Variants in TCF25 observed in about 807,000 individuals in gnomAD.
TCF25 encodes ribosome quality control complex subunit TCF25.
Under a neutral mutation model 83.1 loss-of-function variants are expected in TCF25, and 41 were observed. The observed-to-expected ratio is 0.49, with a 90% CI of 0.38 to 0.64. The LOEUF is 0.64. TCF25 is among the 30% of genes least tolerant of loss of function. The pLI is 0.00. For missense variants in TCF25, 979 were observed against 914.5 expected, an observed-to-expected ratio of 1.07 and a Z score of -0.91; for synonymous variants, 458 against 365.0, an observed-to-expected ratio of 1.25 and a Z score of -2.90.
chr16:89,885,873 G>C lies in TCF25; in HGVS notation c.455G>C (p.Arg152Pro). Reference protein sequence around the residue: ...ASENGLEDIDRILERIEDSTG... With the variant: ...ASENGLEDIDPILERIEDSTG... ...GAAAACGGACTAGAAGATATCGATC[G>C]CATCCTAGAGAGGATTGAGGACAGC... Residue 152 changes from arginine to proline, a missense_variant, in exon 4 of 18, where the codon CGC becomes CCC. Transcript: ENST00000263346. 1 of 1,613,120 alleles carries C rather than the reference G, an allele frequency of 6.2e-7. No homozygotes were observed. The highest frequency in any genetic ancestry group is 8.5e-7 in the Non-Finnish European group (1 of 1,179,192).
intron 13 of TCF25, 80 bp downstream of exon 13, chr16:89,904,285 GC>G (rs2044591280): frequency 2.1e-6 from 3 of 1,461,610 alleles, no homozygotes. Flanking sequence ...ATCCTGAGAG[GC>G]CCTGAGGGAC....
At chr16:89,891,848 T>G (rs1253340012) in intron 5 of TCF25, among the ~76,000 whole-genome samples, 1 of 152,148 alleles carries the variant, frequency 6.6e-6, no homozygotes, top group African/African-American at 2.4e-5. Context: ...TTTAAAACCC[T>G]TTGTAGAAAT....
At chr16:89,908,025 T>TTTCCACC (rs2045086583) in intron 16 of TCF25, among the ~76,000 whole-genome samples, 1 of 56,114 alleles carries the variant, frequency 1.8e-5, no homozygotes, top group Non-Finnish European at 3.5e-5. Flanking sequence ...CTCCTCCCAG[T>TTTCCACC]TCCCAGCTCC....
chr16:89,878,579 A>C, intron 1 of TCF25: 2 of 1,171,348 alleles, frequency 1.7e-6, no homozygotes, highest in South Asian at 1.6e-5. Flanking sequence ...AACCTTGTGA[A>C]ATGTTCCCCA....
intron 14 of TCF25, 41 bp downstream of exon 14, chr16:89,905,137 T>C (rs2044671225): frequency 6.6e-7 from 1 of 1,512,852 alleles, no homozygotes; most frequent in South Asian, 1.3e-5. Context: ...CGCCCCCTCC[T>C]CAGGGACCCT....
At chr16:89,879,471 C>T (rs1597264197) in intron 1 of TCF25, among the ~76,000 whole-genome samples, 1 of 107,380 alleles carries the variant, frequency 9.3e-6, no homozygotes, top group Non-Finnish European at 1.8e-5. Context: ...AGATGGGCTT[C>T]GGGGCCTGTC....
chr16:89,896,418 G>T (rs1383518982), intron 9 of TCF25, among the ~76,000 whole-genome samples: 1 of 152,098 alleles, frequency 6.6e-6, no homozygotes, highest in East Asian at 1.9e-4. Context: ...TGTGTTAGAA[G>T]TGAGCCTGGC....
At chr16:89,884,513 G>A in intron 2 of TCF25, 69 bp from the exon 3 acceptor site, 1 of 1,547,684 alleles carries the variant, frequency 6.5e-7, no homozygotes, top group Non-Finnish European at 8.9e-7. Flanking sequence ...AGTCACGCTT[G>A]CTGCTTTAAT....
chr16:89,898,570 GC>G lies in TCF25; in HGVS notation c.1039del (p.Leu347SerfsTer5), dbSNP rs1380403194. 6.2e-7 allele frequency: 1 copy of G among 1,612,908 alleles called. No homozygotes were observed. The highest frequency in any genetic ancestry group is 2.2e-5 in the East Asian group (1 of 44,890). On this transcript the variant is annotated frameshift_variant, in exon 10 of 18. Coordinates refer to ENST00000263346, the MANE Select transcript of TCF25 (RefSeq NM_014972.3). LOFTEE classifies it high-confidence loss of function. Reference sequence around the variant, plus strand: ...TTTTGGATCTAGGAGCTTCTACCTGGCCCTCTACAAGCAGATGAGCTTCCTG... The same window carrying G: ...TTTTGGATCTAGGAGCTTCTACCTGGCCTCTACAAGCAGATGAGCTTCCTG... ...RRPENRSFYL[A>X]LYKQMSFLEK...
At position 89,906,401 on chromosome 16, in the gene TCF25, C is replaced by T. The variant is rs895126303; in HGVS notation, c.1719+117C>T. On this transcript the variant is annotated intron_variant, in intron 15 of 17. Coordinates refer to ENST00000263346, the MANE Select transcript of TCF25 (RefSeq NM_014972.3). ...GTGCGGGCTCCCTCAGCAGCCCAGC[C>T]CCGCCACGGCAGGGGCAGGGTCTAG... 3.1e-6 allele frequency: 3 copies of T among 974,402 alleles called. No homozygotes were observed. The African/African-American group carries it at 4.8e-5, about 16-fold the overall frequency. The allele number at this position is 974,402 out of a possible 1,614,324, so 60.4% of individuals were successfully genotyped here. A position where few individuals can be genotyped will look rare whatever the true frequency, so the allele number is the denominator to read the frequency against.
intron 1 of TCF25, among the ~76,000 whole-genome samples, chr16:89,879,283 C>T (rs71398840): frequency 9.7e-5 from 14 of 143,794 alleles, no homozygotes; most frequent in South Asian, 2.3e-4. Flanking sequence ...CACGTGTTGT[C>T]CGTGTACACA....
In TCF25 at chr16:89,892,219, C is replaced by T; in HGVS notation, c.641C>T (p.Pro214Leu). Residue 214 changes from proline (P) to leucine (L), a missense_variant, in exon 6 of 18, where the codon CCC becomes CTC. Pro to Leu is a moderately conservative substitution (Grantham distance 98, BLOSUM62 -3). Transcript: ENST00000263346. ...CCACGGCAGAGACAACGTGTGTACC[C>T]CAAGTGCACATGGCTGACCACCCCT... Reference protein sequence around the residue: ...QRPRQRQRVYPKCTWLTTPKS... With the variant: ...QRPRQRQRVYLKCTWLTTPKS... 1 of 1,612,842 alleles carries T rather than the reference C, an allele frequency of 6.2e-7. No individual in the cohort carries two copies. The highest frequency in any genetic ancestry group is 8.5e-7 in the Non-Finnish European group (1 of 1,179,610).
chr16:89,884,398 G>A (rs921763070), intron 2 of TCF25, among the ~76,000 whole-genome samples, 184 bp from the exon 3 acceptor site: 1 of 152,110 alleles, frequency 6.6e-6, no homozygotes, highest in Non-Finnish European at 1.5e-5. Context: ...AGCACAGCCC[G>A]AGGGGCTCGG....
intron 12 of TCF25, among the ~76,000 whole-genome samples, chr16:89,903,380 C>T (rs2044505601): frequency 6.6e-6 from 1 of 152,246 alleles, no homozygotes; most frequent in Admixed American, 6.5e-5. Flanking sequence ...GTGATTAAAA[C>T]ATCCAACCGG....
chr16:89,888,281 A>C (rs772353466), intron 5 of TCF25, among the ~76,000 whole-genome samples: 1 of 148,684 alleles, frequency 6.7e-6, no homozygotes, highest in Non-Finnish European at 1.5e-5. Context: ...AAAGTTTTCA[A>C]AAGCTGTTAA....
chr16:89,893,705 C>T, intron 6 of TCF25, 23 bp from the exon 7 acceptor site: 1 of 1,613,418 alleles, frequency 6.2e-7, no homozygotes, highest in Non-Finnish European at 8.5e-7. Context: ...GGCACACCCT[C>T]CCTGAGCACT....
chr16:89,907,164 G>T, intron 15 of TCF25, 79 bp from the exon 16 acceptor site: 4 of 1,417,850 alleles, frequency 2.8e-6, no homozygotes, highest in Non-Finnish European at 3.0e-6. Flanking sequence ...TGCTGGAGTC[G>T]ACAGAAGGAC....
chr16:89,879,359 C>A (rs995870827), intron 1 of TCF25, among the ~76,000 whole-genome samples: 1 of 150,234 alleles, frequency 6.7e-6, no homozygotes, highest in Non-Finnish European at 1.5e-5. Flanking sequence ...GCCTGTCACA[C>A]GTGCTGTCCG....
At position 89,895,085 on chromosome 16, in the gene TCF25, C is replaced by G. The variant is rs761864779; in HGVS notation, c.876C>G (p.Leu292=). The change falls in exon 8 of 18, where the codon CTC becomes CTG. Residue 292 remains leucine (L), a synonymous_variant. Coordinates refer to ENST00000263346, the MANE Select transcript of TCF25 (RefSeq NM_014972.3). ...SPYHVDSLLQ[L]SDACRFQEDQ... ...ACCACGTTGACTCACTCCTGCAGCT[C>G]AGCGATGCCTGCCGCTTTCAAGAGG... 1.2e-6 allele frequency: 2 copies of G among 1,613,322 alleles called. No homozygotes were observed. Among genetic ancestry groups the G allele is most frequent in the East Asian group, 2.2e-5 (1 of 44,874 alleles).
Sources: allele counts gnomAD v4.1 joint callset (sites outside exome capture counted in the v4.1 genomes callset), GRCh38; gene constraint gnomAD v4.1.1; transcripts MANE v1.5; gene names NCBI Gene and HGNC (gene_info 2026-07-23, HGNC 2026-07-21).